Variants in TSEN15 observed in about 807,000 individuals in gnomAD.
TSEN15 encodes tRNA-splicing endonuclease subunit Sen15.
In TSEN15, 10 loss-of-function variants were observed where a neutral mutation model predicts 20.5. That is an observed-to-expected ratio of 0.49 (90% CI 0.30 to 0.83). The LOEUF is 0.83. Among genes scored for constraint, TSEN15 ranks in the 40% least tolerant of loss-of-function variants. The pLI, the probability that TSEN15 is intolerant of heterozygous loss-of-function variation, is 0.06. For synonymous variants in TSEN15, 72 were observed against 80.1 expected, an observed-to-expected ratio of 0.90 and a Z score of 0.54; for missense variants, 180 against 218.6, an observed-to-expected ratio of 0.82 and a Z score of 1.11.
At chr1:184,091,276 G>A (rs1023027863) in intron 3 of TSEN15, among the ~76,000 whole-genome samples, 5 of 151,986 alleles carry the variant, frequency 3.3e-5, no homozygotes, top group African/African-American at 1.2e-4. Flanking sequence ...CTGAGTGGGT[G>A]ACTTAGAGCA....
chr1:184,069,809 C>T (rs905486778), intron 3 of TSEN15, among the ~76,000 whole-genome samples: 5 of 151,942 alleles, frequency 3.3e-5, no homozygotes, highest in Non-Finnish European at 7.4e-5. Context: ...CTTGAAAAAT[C>T]GACTAGAAGA....
At chr1:184,086,980 G>T (rs1651273376) in intron 3 of TSEN15, among the ~76,000 whole-genome samples, 1 of 152,158 alleles carries the variant, frequency 6.6e-6, no homozygotes, top group Admixed American at 6.5e-5. Flanking sequence ...GGGATGGGGT[G>T]TGATAGTTAA....
intron 3 of TSEN15, chr1:184,095,441 T>C (rs1651431022): frequency 5.2e-6 from 2 of 382,254 alleles, no homozygotes; most frequent in East Asian, 7.5e-5. Flanking sequence ...ACTGATTGTG[T>C]CCCTCTCTAA....
At chr1:184,060,166 A>G (rs1438566796) in intron 3 of TSEN15, among the ~76,000 whole-genome samples, 1 of 152,268 alleles carries the variant, frequency 6.6e-6, no homozygotes, top group Non-Finnish European at 1.5e-5. Context: ...TTAACTTTGA[A>G]GAAGACTTGC....
chr1:184,092,849 T>C (rs1378210815), intron 3 of TSEN15, among the ~76,000 whole-genome samples: 2 of 152,206 alleles, frequency 1.3e-5, no homozygotes, highest in African/African-American at 4.8e-5. Context: ...TGCCCTGAGA[T>C]GATGAGATGC....
At position 184,090,069 on chromosome 1, in the gene TSEN15, C is replaced by G. The variant is rs78609436; in HGVS notation, c.354-5621C>G. On this transcript the variant is annotated intron_variant, in intron 3 of 3. Coordinates refer to the TSEN15 transcript ENST00000643231. ...TCATAACAGTCAGACTAGAAATAAC[C>G]TGAATATTCATCAATGGGTAAATGT... is the stretch of plus-strand genomic sequence containing the variant. Among the ~76,000 whole-genome samples the G allele has an allele frequency of 3.4e-3, 512 of 152,226 alleles. 6 individuals carry two copies. Among genetic ancestry groups the G allele is most frequent in the African/African-American group, 0.012 (484 of 41,524 alleles).
chr1:184,056,770 C>T (rs747955730), intron 3 of TSEN15, among the ~76,000 whole-genome samples: 5 of 152,180 alleles, frequency 3.3e-5, no homozygotes, highest in African/African-American at 4.8e-5. Context: ...CATATCACTT[C>T]TGCTACTTTC....
At chr1:184,065,680 G>A (rs1296727982) in intron 3 of TSEN15, among the ~76,000 whole-genome samples, 2 of 152,068 alleles carry the variant, frequency 1.3e-5, no homozygotes, top group Admixed American at 6.5e-5. Flanking sequence ...TGGCATTTTG[G>A]GTTTTAGCTA....
At chr1:184,085,589 G>A (rs1436119223) in intron 3 of TSEN15, among the ~76,000 whole-genome samples, 1 of 152,212 alleles carries the variant, frequency 6.6e-6, no homozygotes, top group Non-Finnish European at 1.5e-5. Context: ...TTTCTCTGCA[G>A]GTGACATTTG....
intron 3 of TSEN15, chr1:184,093,876 T>G (rs943617216): frequency 6.6e-6 from 1 of 152,228 alleles, no homozygotes; most frequent in Non-Finnish European, 1.5e-5. Context: ...TGAAACTATT[T>G]ATAGGCTTTA....
At chr1:184,068,563 C>T (rs181756925) in intron 3 of TSEN15, among the ~76,000 whole-genome samples, 59 of 152,200 alleles carry the variant, frequency 3.9e-4, no homozygotes, top group Middle Eastern at 6.8e-3. Context: ...GAATGACTTC[C>T]CACTGGGGTG....
chr1:184,081,739 G>A (rs1229096849), intron 3 of TSEN15, among the ~76,000 whole-genome samples: 1 of 152,116 alleles, frequency 6.6e-6, no homozygotes, highest in Non-Finnish European at 1.5e-5. Context: ...AGAGGACATT[G>A]CAAGAAGGAA....
intron 3 of TSEN15, among the ~76,000 whole-genome samples, chr1:184,067,730 C>A (rs951069386): frequency 1.3e-5 from 2 of 151,582 alleles, no homozygotes; most frequent in African/African-American, 4.9e-5. Context: ...CCAGCCTGGC[C>A]AACATGGCAA....
chr1:184,070,583 A>G (rs1161542445), intron 3 of TSEN15: 1 of 1,062,190 alleles, frequency 9.4e-7, no homozygotes, highest in Admixed American at 2.8e-5. Context: ...ACAGCCTATA[A>G]AAATGTATCT....
chr1:184,086,034 C>T (rs1421195855), intron 3 of TSEN15, among the ~76,000 whole-genome samples: 1 of 152,182 alleles, frequency 6.6e-6, no homozygotes, highest in Non-Finnish European at 1.5e-5. Context: ...ACAATATCAA[C>T]AGTGTTTTCC....
rs527353219 is a variant in TSEN15, at chr1:184,094,145, A to G, written c.354-1545A>G. Reference sequence around the variant, plus strand: ...TTATTAGCTATTATTATCATCTTGGAATGGTTTTTTGATGTGGCGGTTATT... The same window carrying G: ...TTATTAGCTATTATTATCATCTTGGGATGGTTTTTTGATGTGGCGGTTATT... On this transcript the variant is annotated intron_variant, in intron 3 of 3. Transcript: ENST00000643231. The G allele has an allele frequency of 3.9e-5, 6 of 152,180 alleles. No homozygotes were observed. The South Asian group carries it at 6.2e-4, about 16-fold the overall frequency. The allele number at this position is 152,180 out of a possible 1,614,324, so 9.4% of individuals were successfully genotyped here.
intron 3 of TSEN15, among the ~76,000 whole-genome samples, chr1:184,084,276 A>C (rs1268608193): frequency 3.9e-5 from 6 of 151,934 alleles, no homozygotes. Flanking sequence ...GAGAGAATAC[A>C]TGATAACTAG....
intron 3 of TSEN15, among the ~76,000 whole-genome samples, chr1:184,090,454 A>T (rs1280972924): frequency 1.3e-5 from 2 of 152,176 alleles, no homozygotes; most frequent in Non-Finnish European, 2.9e-5. Flanking sequence ...AAATGGGTGC[A>T]TATTCTTTCA....
intron 3 of TSEN15, among the ~76,000 whole-genome samples, chr1:184,056,127 G>A (rs1557877980): frequency 6.6e-6 from 1 of 152,126 alleles, no homozygotes; most frequent in African/African-American, 2.4e-5. Context: ...CGATGATGGA[G>A]TGTTGCTAAT....
Sources: gnomAD v4.1 joint callset for allele counts (sites outside exome capture counted in the v4.1 genomes callset) on GRCh38, gnomAD v4.1.1 for gene constraint, MANE v1.5 for transcripts, NCBI Gene and HGNC (gene_info 2026-07-23, HGNC 2026-07-21) for gene names.